The following FAM178B variants were observed in gnomAD, a reference collection of about 807,000 sequenced individuals.
FAM178B encodes the protein family with sequence similarity 178 member B, also known as protein FAM178B.
FAM178B carries 82 observed loss-of-function variants against 91.7 expected under a neutral mutation model. The ratio of observed to expected loss-of-function variants is 0.89; its 90% CI spans 0.75 to 1.07. The LOEUF is 1.07. Ranked by LOEUF, FAM178B falls within the 50% of genes least tolerant of loss-of-function variation. FAM178B has a pLI of 0.00. For missense variants in FAM178B, 769 were observed against 846.7 expected, an observed-to-expected ratio of 0.91 and a Z score of 1.14; for synonymous variants, 368 against 359.4, an observed-to-expected ratio of 1.02 and a Z score of -0.27.
chr2:96,882,975 G>C (rs1234593887), intron 14 of FAM178B, among the ~76,000 whole-genome samples: 1 of 152,264 alleles, frequency 6.6e-6, no homozygotes, highest in African/African-American at 2.4e-5. Flanking sequence ...GCCGCTGCCA[G>C]CAAGGGCCGA....
chr2:96,928,197 G>A (rs936250373), intron 9 of FAM178B, among the ~76,000 whole-genome samples: 2 of 152,142 alleles, frequency 1.3e-5, no homozygotes, highest in African/African-American at 4.8e-5. Flanking sequence ...TGGCGCTGAC[G>A]GATTGTCAGC....
intron 13 of FAM178B, among the ~76,000 whole-genome samples, chr2:96,900,896 G>A (rs536740071): frequency 4.6e-5 from 7 of 152,194 alleles, no homozygotes; most frequent in Admixed American, 1.3e-4. Context: ...TGGGCAAGGG[G>A]TTATGCTGCC....
chr2:96,977,955 G>C (rs1440895438), intron 1 of FAM178B: 1 of 430,350 alleles, frequency 2.3e-6, no homozygotes, highest in Non-Finnish European at 4.7e-6. Flanking sequence ...GCGGGCGGGG[G>C]AGGGGGGCGA....
At chr2:96,879,157 TC>T (rs2080317932) in intron 14 of FAM178B, among the ~76,000 whole-genome samples, 1 of 152,118 alleles carries the variant, frequency 6.6e-6, no homozygotes, top group African/African-American at 2.4e-5. Flanking sequence ...ATGGGGAGCA[TC>T]CCAGGGCGTG....
At chr2:96,882,770 G>A (rs1235911909) in intron 14 of FAM178B, among the ~76,000 whole-genome samples, 1 of 152,214 alleles carries the variant, frequency 6.6e-6, no homozygotes. Context: ...GGTGCTGGGG[G>A]GCTACACTTG....
Position 96,923,497 on chromosome 2 carries a change from A to T in FAM178B, c.1280T>A (p.Ile427Asn). ...EIALDISLGH[I>N]YKFLALCAQA... is the part of the protein sequence containing the mutation. Reference sequence around the variant, plus strand: ...GCAGGCGGCTTGACTCACCTTGTAGATGTGGCCCAGGCTGATGTCCAAGGC... The same window carrying T: ...GCAGGCGGCTTGACTCACCTTGTAGTTGTGGCCCAGGCTGATGTCCAAGGC... The change falls in exon 10 of 17, where the codon ATC becomes AAC. Residue 427 changes from isoleucine (I) to asparagine (N), a missense_variant. By Grantham distance (149) the Ile-to-Asn change is moderately radical (BLOSUM62 -3). Coordinates refer to ENST00000490605, the MANE Select transcript of FAM178B (RefSeq NM_001122646.3). 3 of 1,551,398 alleles carry T rather than the reference A, an allele frequency of 1.9e-6. No individual in the cohort carries two copies. The highest frequency in any genetic ancestry group is 2.6e-6 in the Non-Finnish European group (3 of 1,146,790).
chr2:96,977,773 A>T (rs1159986125), intron 1 of FAM178B: 1 of 454,136 alleles, frequency 2.2e-6, no homozygotes, highest in East Asian at 7.0e-5. Context: ...TTTCTGTGTC[A>T]TCCTAACAAT....
intron 1 of FAM178B, among the ~76,000 whole-genome samples, chr2:96,982,437 AT>A (rs34349372): frequency 6.6e-6 from 1 of 151,320 alleles, no homozygotes; most frequent in South Asian, 2.1e-4. Flanking sequence ...TAATTTTTGT[AT>A]TTTTTGTAGA....
At chr2:96,950,838 A>G (rs1413397363) in intron 7 of FAM178B, among the ~76,000 whole-genome samples, 1 of 152,222 alleles carries the variant, frequency 6.6e-6, no homozygotes, top group Non-Finnish European at 1.5e-5. Flanking sequence ...AACTGCACAC[A>G]GGAAGCACAC....
At position 96,960,457 on chromosome 2, in the gene FAM178B, C is replaced by A; in HGVS notation, c.735-17G>T. Reference sequence around the variant, plus strand: ...ACCAGCATCCTGGCAAGGCAAGGGGCAGGAGGGCCGGGCATCAGCAGATGC... The same window carrying A: ...ACCAGCATCCTGGCAAGGCAAGGGGAAGGAGGGCCGGGCATCAGCAGATGC... On this transcript the variant is annotated splice_polypyrimidine_tract_variant and intron_variant, in intron 5 of 16. Coordinates refer to ENST00000490605, the MANE Select transcript of FAM178B (RefSeq NM_001122646.3). 1 of 1,526,148 alleles carries A rather than the reference C, an allele frequency of 6.6e-7. No homozygotes were observed. The highest frequency in any genetic ancestry group is 8.8e-7 in the Non-Finnish European group (1 of 1,131,304). 94.5% of individuals were successfully genotyped at this position (1,526,148 alleles called of 1,614,324 possible).
intron 10 of FAM178B, 95 bp downstream of exon 10, chr2:96,923,395 C>T (rs2081379028): frequency 2.1e-5 from 21 of 978,206 alleles, no homozygotes; most frequent in Admixed American, 1.4e-4. Flanking sequence ...CTGAGCTCGC[C>T]GGAGATTCTC....
intron 8 of FAM178B, among the ~76,000 whole-genome samples, chr2:96,936,735 T>G (rs1265346436): frequency 6.6e-6 from 1 of 151,922 alleles, no homozygotes; most frequent in East Asian, 1.9e-4. Flanking sequence ...GGTCTCGAAC[T>G]CCTGACTTCA....
chr2:96,876,031 G>A lies in FAM178B; in HGVS notation c.*245C>T. On this transcript the variant is annotated 3_prime_UTR_variant, in exon 17 of 17. Transcript: ENST00000490605. ...GGAAGAGGAGATGGCTGGGAGGAGG[G>A]CTGAGGGGTGGGCGAGGCAGAGAGG... 1.8e-6 allele frequency: 1 copy of A among 561,632 alleles called. No individual in the cohort carries two copies. Among genetic ancestry groups the A allele is most frequent in the Non-Finnish European group, 3.2e-6 (1 of 312,796 alleles). The allele number at this position is 561,632 out of a possible 1,614,324, so 34.8% of individuals were successfully genotyped here.
intron 13 of FAM178B, among the ~76,000 whole-genome samples, chr2:96,898,331 T>C (rs1250897324): frequency 6.6e-6 from 1 of 151,892 alleles, no homozygotes; most frequent in Non-Finnish European, 1.5e-5. Context: ...GCTAAGGCGG[T>C]GCCCTGCAGT....
chr2:96,970,264 G>C (rs946890435), intron 4 of FAM178B, among the ~76,000 whole-genome samples: 4 of 152,218 alleles, frequency 2.6e-5, no homozygotes, highest in African/African-American at 4.8e-5. Context: ...GAAACTCAGA[G>C]AGGATGGGAA....
chr2:96,973,080 G>A (rs2082245298), intron 1 of FAM178B, among the ~76,000 whole-genome samples: 1 of 151,666 alleles, frequency 6.6e-6, no homozygotes, highest in South Asian at 2.1e-4. Context: ...GTGGCGGCGT[G>A]TGCCTTAGTC....
intron 12 of FAM178B, among the ~76,000 whole-genome samples, chr2:96,914,719 T>C (rs1167807425): frequency 6.6e-6 from 1 of 152,140 alleles, no homozygotes; most frequent in East Asian, 1.9e-4. Flanking sequence ...GGAGATCCTG[T>C]CTCTACAAAA....
chr2:96,972,441 G>A, intron 2 of FAM178B, 97 bp downstream of exon 2: 1 of 1,497,066 alleles, frequency 6.7e-7, no homozygotes, highest in South Asian at 1.2e-5. Context: ...GTTGCTGTGG[G>A]AAGGATGCAA....
At chr2:96,916,473 T>C (rs1219027895) in intron 12 of FAM178B, among the ~76,000 whole-genome samples, 1 of 152,216 alleles carries the variant, frequency 6.6e-6, no homozygotes, top group Non-Finnish European at 1.5e-5. Flanking sequence ...GTTTAATGAA[T>C]AGCCGCAGGC....
Sources: allele counts gnomAD v4.1 joint callset (sites outside exome capture counted in the v4.1 genomes callset), GRCh38; gene constraint gnomAD v4.1.1; transcripts MANE v1.5; gene names NCBI Gene and HGNC (gene_info 2026-07-23, HGNC 2026-07-21).